MRPS35: variants seen among roughly 807,000 people sequenced by gnomAD.
MRPS35 encodes small ribosomal subunit protein mS35.
In MRPS35, 29 loss-of-function variants were observed where a neutral mutation model predicts 32.7. The ratio of observed to expected loss-of-function variants is 0.89; its 90% confidence interval spans 0.66 to 1.21. The LOEUF (loss-of-function observed/expected upper bound fraction) is 1.21, where lower values mean the gene tolerates loss of function less well. Among genes scored for constraint, MRPS35 ranks in the 50% most tolerant of loss-of-function variants. The pLI is 0.00. For missense variants in MRPS35, 373 were observed against 383.8 expected (o/e 0.97, Z 0.23); for synonymous variants, 148 against 139.3 (o/e 1.06, Z -0.44).
chr12:27,739,526 T>C lies in MRPS35; in HGVS notation c.702+1918T>C, dbSNP rs529546247. Reference sequence around the variant, plus strand: ...AAGACAAAAAGTAGCTGGTAAGCTCTTCTCTTCTTTACAATTATTTCCATT... The same window carrying C: ...AAGACAAAAAGTAGCTGGTAAGCTCCTCTCTTCTTTACAATTATTTCCATT... On this transcript the variant is annotated intron_variant, in intron 7 of 7. Coordinates refer to ENST00000081029, the MANE Select transcript of MRPS35 (RefSeq NM_021821.4). 3.3e-5 allele frequency among the ~76,000 whole-genome samples: 5 copies of C among 152,370 alleles called. No homozygotes were observed. In the East Asian group the frequency reaches 9.6e-4, roughly 29 times the overall value.
chr12:27,733,586 T>C (rs2061931054), intron 5 of MRPS35, among the ~76,000 whole-genome samples: 1 of 152,240 alleles, frequency 6.6e-6, no homozygotes, highest in Non-Finnish European at 1.5e-5. Flanking sequence ...CTGTTCCCTC[T>C]TATACATGCA....
intron 7 of MRPS35, among the ~76,000 whole-genome samples, chr12:27,751,912 C>T (rs1230471982): frequency 6.6e-6 from 1 of 152,196 alleles, no homozygotes; most frequent in East Asian, 1.9e-4. Context: ...TGGCCTACCT[C>T]CATGTACCTT....
intron 5 of MRPS35, among the ~76,000 whole-genome samples, chr12:27,727,140 T>G (rs149736372): frequency 1.1e-4 from 16 of 152,110 alleles, no homozygotes; most frequent in Middle Eastern, 3.4e-3. Flanking sequence ...TTTTGTATTT[T>G]TAGTAGAGAT....
At position 27,737,457 on chromosome 12, in the gene MRPS35, A is replaced by G. The variant is rs951006870; in HGVS notation, c.633-82A>G. ...AATACCTGAAAACATTATCTTCTGTATTTAGTATATTGCATATTTTGCAAA... is the reference window on the plus strand; with the variant it reads ...AATACCTGAAAACATTATCTTCTGTGTTTAGTATATTGCATATTTTGCAAA... On this transcript the variant is annotated intron_variant, in intron 6 of 7. Coordinates refer to ENST00000081029, the MANE Select transcript of MRPS35 (RefSeq NM_021821.4). 6.9e-6 allele frequency: 6 copies of G among 871,646 alleles called. No individual in the cohort carries two copies. In the African/African-American group the frequency reaches 8.3e-5, roughly 12 times the overall value. 54.0% of individuals were successfully genotyped at this position (871,646 alleles called of 1,614,324 possible). A position where few individuals can be genotyped will look rare whatever the true frequency, so the allele number is the denominator to read the frequency against.
At chr12:27,730,424 G>A (rs990187892) in intron 5 of MRPS35, among the ~76,000 whole-genome samples, 2 of 152,096 alleles carry the variant, frequency 1.3e-5, no homozygotes, top group African/African-American at 4.8e-5. Context: ...ACATCATATC[G>A]AGAGTATAGG....
intron 7 of MRPS35, 42 bp downstream of exon 7, chr12:27,737,650 T>C: frequency 6.8e-7 from 1 of 1,479,266 alleles, no homozygotes; most frequent in Non-Finnish European, 9.4e-7. Context: ...CATTGTAATT[T>C]AGATGATGTT....
intron 5 of MRPS35, among the ~76,000 whole-genome samples, chr12:27,728,068 C>T (rs2061907336): frequency 6.6e-6 from 1 of 152,034 alleles, no homozygotes; most frequent in African/African-American, 2.4e-5. Context: ...GTTGAATCCA[C>T]AAATGTGGAG....
chr12:27,741,137 C>A (rs190046711), intron 7 of MRPS35, among the ~76,000 whole-genome samples: 3 of 151,796 alleles, frequency 2.0e-5, no homozygotes, highest in African/African-American at 7.3e-5. Context: ...CACTGCACTC[C>A]AGTCTGGGCG....
chr12:27,727,904 C>T (rs2061906648), intron 5 of MRPS35, among the ~76,000 whole-genome samples: 1 of 152,102 alleles, frequency 6.6e-6, no homozygotes, highest in Non-Finnish European at 1.5e-5. Flanking sequence ...TAACCTAGTA[C>T]ATCCTCCTAT....
chr12:27,711,118 C>A (rs926873240), intron 1 of MRPS35, among the ~76,000 whole-genome samples, 163 bp downstream of exon 1: 1 of 152,248 alleles, frequency 6.6e-6, no homozygotes, highest in African/African-American at 2.4e-5. Context: ...TGGGTCTGTG[C>A]TCTGCACCCG....
chr12:27,726,693 A>G (rs2061902080), intron 5 of MRPS35, among the ~76,000 whole-genome samples: 1 of 152,118 alleles, frequency 6.6e-6, no homozygotes, highest in Non-Finnish European at 1.5e-5. Context: ...AGCCATTCTG[A>G]TAGGTATGAA....
At chr12:27,748,438 G>GGTGTGT (rs35760106) in intron 7 of MRPS35, among the ~76,000 whole-genome samples, 42,269 of 145,834 alleles carry the variant, frequency 0.29, 6,098 homozygotes, top group Admixed American at 0.36. Flanking sequence ...AAAGAAAAGT[G>GGTGTGT]GTGTGTGTGT....
At chr12:27,731,270 T>C (rs1270309624) in intron 5 of MRPS35, among the ~76,000 whole-genome samples, 1 of 152,196 alleles carries the variant, frequency 6.6e-6, no homozygotes, top group African/African-American at 2.4e-5. Flanking sequence ...GAGCCCTTAC[T>C]GATGTGCTTT....
chr12:27,755,154 A>AT (rs768213921), intron 7 of MRPS35, 27 bp from the exon 8 acceptor site: 606 of 1,462,804 alleles, frequency 4.1e-4, no homozygotes, highest in South Asian at 1.0e-3. Flanking sequence ...TTCAGAACTC[A>AT]TTTTTTTTTG....
At chr12:27,711,002 G>A in intron 1 of MRPS35, 47 bp downstream of exon 1, 1 of 1,548,316 alleles carries the variant, frequency 6.5e-7, no homozygotes, top group Non-Finnish European at 8.8e-7. Context: ...AGGTGCAAGA[G>A]CGGAATACCG....
At chr12:27,713,159 C>T (rs1052547507) in intron 1 of MRPS35, among the ~76,000 whole-genome samples, 1 of 152,202 alleles carries the variant, frequency 6.6e-6, no homozygotes, top group African/African-American at 2.4e-5. Flanking sequence ...TCCATGTGCT[C>T]TCACTCTGTC....
rs1157673501 is a variant in MRPS35 at position 27,756,027 on chromosome 12, GGCCAA to G, written c.*580_*584del. On this transcript the variant is annotated 3_prime_UTR_variant, in exon 8 of 8. Coordinates refer to ENST00000081029, the MANE Select transcript of MRPS35 (RefSeq NM_021821.4). ...TAGATTGTGGGGCTCATTTTGCCAG[GGCCAA>G]GCTACCAGAAAAGTAGAAGTGGAGA... 6.6e-5 allele frequency: 10 copies of G among 152,174 alleles called. No individual in the cohort carries two copies. Among genetic ancestry groups the G allele is most frequent in the African/African-American group, 2.4e-4 (10 of 41,426 alleles). The allele number at this position is 152,174 out of a possible 1,614,324, so 9.4% of individuals were successfully genotyped here.
intron 7 of MRPS35, among the ~76,000 whole-genome samples, chr12:27,740,604 C>T (rs1042756650): frequency 3.9e-5 from 6 of 152,176 alleles, no homozygotes. Context: ...TAGAGGTTAC[C>T]TCTAAGTAGC....
chr12:27,715,579 A>C (rs1402893743), intron 2 of MRPS35, among the ~76,000 whole-genome samples: 1 of 152,232 alleles, frequency 6.6e-6, no homozygotes, highest in African/African-American at 2.4e-5. Flanking sequence ...GAACAAAGAC[A>C]CATTAGTTGG....
Sources: gnomAD v4.1 joint callset for allele counts (sites outside exome capture counted in the v4.1 genomes callset) on GRCh38, gnomAD v4.1.1 for gene constraint, MANE v1.5 for transcripts, NCBI Gene and HGNC (gene_info 2026-07-23, HGNC 2026-07-21) for gene names.